SLMAP: variants seen among roughly 807,000 people sequenced by gnomAD.
The protein encoded by SLMAP is sarcolemma associated protein.
SLMAP carries 44 observed loss-of-function variants against 128.8 expected under a neutral mutation model. The observed-to-expected ratio is 0.34, with a 90% CI of 0.27 to 0.44. The LOEUF (loss-of-function observed/expected upper bound fraction) is 0.44, where lower values mean the gene tolerates loss of function less well. Ranked by LOEUF, SLMAP falls within the 20% of genes least tolerant of loss-of-function variation. The probability of loss-of-function intolerance (pLI) is 1.00; values close to 1 mark genes in which losing one functional copy is unlikely to be tolerated. For synonymous variants in SLMAP, 327 were observed against 348.8 expected, an observed-to-expected ratio of 0.94 and a Z score of 0.70; for missense variants, 787 against 985.3, an observed-to-expected ratio of 0.80 and a Z score of 2.69.
At chr3:57,868,829 A>G (rs2095381575) in intron 13 of SLMAP, among the ~76,000 whole-genome samples, 2 of 139,324 alleles carry the variant, frequency 1.4e-5, no homozygotes, top group Admixed American at 1.6e-4. Context: ...TATAAAATAT[A>G]TATATGTGTA....
chr3:57,906,617 C>T (rs368859571), intron 17 of SLMAP, among the ~76,000 whole-genome samples: 1 of 142,658 alleles, frequency 7.0e-6, no homozygotes, highest in South Asian at 2.2e-4. Flanking sequence ...GCGCCTAGGC[C>T]AGAATACAAT....
intron 22 of SLMAP, among the ~76,000 whole-genome samples, chr3:57,921,294 C>G (rs1176905889): frequency 6.6e-6 from 1 of 152,092 alleles, no homozygotes; most frequent in Non-Finnish European, 1.5e-5. Flanking sequence ...GAATTGTTTT[C>G]CAGAACAGAA....
chr3:57,816,345 T>C (rs55712035), intron 2 of SLMAP, among the ~76,000 whole-genome samples: 2,431 of 152,246 alleles, frequency 0.016, 37 homozygotes, highest in Admixed American at 0.03. Context: ...GGTTTCTCCA[T>C]GTTGGCCAGG....
Position 57,915,662 on chromosome 3 carries a change from G to T in SLMAP, c.2139-1244G>T, listed in dbSNP as rs558323939. 5.9e-5 allele frequency among the ~76,000 whole-genome samples: 9 copies of T among 152,314 alleles called. No individual in the cohort carries two copies. In the East Asian group the frequency reaches 1.4e-3, roughly 23 times the overall value. ...TCTTGAATGATCCATTCTGAAAGAT[G>T]TAAAACTGTCACCTTGAAAACCTTA... On this transcript the variant is annotated intron_variant, in intron 21 of 24. Transcript: ENST00000671191.
intron 9 of SLMAP, among the ~76,000 whole-genome samples, chr3:57,861,352 A>T (rs1419184269): frequency 2.6e-5 from 4 of 152,324 alleles, no homozygotes; most frequent in South Asian, 4.1e-4. Flanking sequence ...GGGGAAAAAA[A>T]TTCTAATTCA....
At chr3:57,773,972 A>G (rs1559934146) in intron 2 of SLMAP, among the ~76,000 whole-genome samples, 3 of 152,202 alleles carry the variant, frequency 2.0e-5, no homozygotes, top group African/African-American at 7.2e-5. Flanking sequence ...AGAAGTATAG[A>G]TTTAATACTT....
intron 21 of SLMAP, 96 bp downstream of exon 21, chr3:57,913,371 A>T (rs1335916961): frequency 1.5e-5 from 9 of 595,168 alleles, no homozygotes; most frequent in Non-Finnish European, 2.3e-5. Flanking sequence ...AATATTTTAC[A>T]GGAGCAAATG....
At chr3:57,771,280 A>G (rs1483314454) in intron 2 of SLMAP, among the ~76,000 whole-genome samples, 1 of 151,946 alleles carries the variant, frequency 6.6e-6, no homozygotes, top group Non-Finnish European at 1.5e-5. Flanking sequence ...GCTGGAGTGC[A>G]ATGGTGGATC....
intron 3 of SLMAP, among the ~76,000 whole-genome samples, chr3:57,832,800 G>T (rs2093418188): frequency 1.3e-5 from 2 of 152,056 alleles, no homozygotes. Flanking sequence ...AGAAAGTTAG[G>T]TTTTGATATT....
At chr3:57,793,105 C>G (rs552762726) in intron 2 of SLMAP, among the ~76,000 whole-genome samples, 1 of 136,190 alleles carries the variant, frequency 7.3e-6, no homozygotes, top group Admixed American at 7.5e-5. Flanking sequence ...TGCTACTGCA[C>G]TCTGCCCAGG....
Position 57,860,733 on chromosome 3 carries a change from T to A in SLMAP, c.722T>A (p.Ile241Lys). The change falls in exon 9 of 25, where the codon ATA becomes AAA. Residue 241 changes from isoleucine to lysine, a missense_variant. This residue lies in a region of SLMAP where 715 missense variants were observed against 843.6 expected (regional missense o/e 0.85). Coordinates refer to ENST00000671191, the MANE Select transcript of SLMAP (RefSeq NM_001377540.1). ...QTEDSLRKEL[I>K]ALQEDKHNYE... ...GAAGATAGTTTACGAAAGGAACTTA[T>A]AGCATTACAAGAGGATAAACATAAC... is the stretch of plus-strand genomic sequence containing the variant. 6.3e-7 allele frequency: 1 copy of A among 1,589,516 alleles called. No individual in the cohort carries two copies.
chr3:57,832,633 T>C lies in SLMAP; in HGVS notation c.346+1103T>C, dbSNP rs527692361. Among the ~76,000 whole-genome samples the C allele has an allele frequency of 3.9e-5, 6 of 152,302 alleles. No homozygotes were observed. In the South Asian group the frequency reaches 1.2e-3, roughly 32 times the overall value. ...GTCTGAACATACTCTGATCTGGTGA[T>C]ACTGGTCAGAATTTTGCATAGTAGA... On this transcript the variant is annotated intron_variant, in intron 3 of 24. Coordinates refer to ENST00000671191, the MANE Select transcript of SLMAP (RefSeq NM_001377540.1).
At chr3:57,880,981 A>G (rs1305949622) in intron 14 of SLMAP, among the ~76,000 whole-genome samples, 2 of 152,130 alleles carry the variant, frequency 1.3e-5, no homozygotes, top group African/African-American at 4.8e-5. Flanking sequence ...AACGAGGTCA[A>G]GAGTTCAAGA....
At chr3:57,879,613 G>A (rs79119835) in intron 14 of SLMAP, among the ~76,000 whole-genome samples, 4,697 of 152,242 alleles carry the variant, frequency 0.031, 105 homozygotes, top group Non-Finnish European at 0.046. Flanking sequence ...TTTGGGTAGT[G>A]TGACTATAAA....
intron 15 of SLMAP, among the ~76,000 whole-genome samples, chr3:57,894,460 T>C (rs1419684181): frequency 1.3e-5 from 2 of 152,268 alleles, no homozygotes; most frequent in African/African-American, 2.4e-5. Flanking sequence ...GCATATGTGC[T>C]GTGTTACTTC....
intron 2 of SLMAP, among the ~76,000 whole-genome samples, chr3:57,820,781 C>T (rs997105327): frequency 1.2e-4 from 19 of 152,212 alleles, no homozygotes; most frequent in African/African-American, 4.6e-4. Context: ...CCACTTCGTC[C>T]TCCATATCCA....
chr3:57,853,960 TATATATATA>T (rs1560253199), intron 6 of SLMAP, among the ~76,000 whole-genome samples: 120 of 59,752 alleles, frequency 2.0e-3, no homozygotes, highest in South Asian at 4.8e-3. Context: ...AAAAATTATA[TATATATATA>T]TATATATATA....
chr3:57,780,382 C>T (rs1012877673), intron 2 of SLMAP, among the ~76,000 whole-genome samples: 2 of 151,796 alleles, frequency 1.3e-5, no homozygotes, highest in East Asian at 3.9e-4. Context: ...TGGGCCCAAG[C>T]GATCTGCCTG....
intron 2 of SLMAP, among the ~76,000 whole-genome samples, chr3:57,828,170 G>A (rs1345093441): frequency 2.0e-5 from 3 of 152,102 alleles, no homozygotes; most frequent in African/African-American, 7.2e-5. Flanking sequence ...TGTTGGCCAG[G>A]GTGGTCTCAA....
Sources: gnomAD v4.1 joint callset for allele counts (sites outside exome capture counted in the v4.1 genomes callset) on GRCh38, gnomAD v4.1.1 for gene constraint, gnomAD v4.1.1 regional missense constraint, MANE v1.5 for transcripts, NCBI Gene and HGNC (gene_info 2026-07-23, HGNC 2026-07-21) for gene names.